The following TCF4 variants were observed in gnomAD, a reference collection of about 807,000 sequenced individuals.
TCF4 encodes the protein transcription factor 4.
In TCF4, 3 loss-of-function variants were observed where a neutral mutation model predicts 82.1. The observed-to-expected ratio is 0.04, with a 90% CI of 0.02 to 0.09. The LOEUF (loss-of-function observed/expected upper bound fraction) is 0.09. TCF4 is among the 10% of genes least tolerant of loss of function. The pLI is 1.00. For synonymous variants in TCF4, 276 were observed against 309.6 expected (o/e 0.89, Z 1.14); for missense variants, 518 against 852.7 (o/e 0.61, Z 4.89).
upstream of TCF4, among the ~76,000 whole-genome samples, chr18:55,593,248 C>T (rs2097687502): frequency 6.6e-6 from 1 of 151,404 alleles, no homozygotes; most frequent in African/African-American, 2.4e-5. Flanking sequence ...GCAAGTTTCA[C>T]ATTATGTCAG....
intron 2 of TCF4, among the ~76,000 whole-genome samples, chr18:55,625,668 T>G (rs935503162): frequency 2.0e-5 from 3 of 152,214 alleles, no homozygotes. Context: ...AAGAATGTAT[T>G]TTCTGATATA....
At chr18:55,515,575 G>A (rs928502483) in intron 3 of TCF4, among the ~76,000 whole-genome samples, 3 of 152,174 alleles carry the variant, frequency 2.0e-5, no homozygotes, top group Non-Finnish European at 4.4e-5. Context: ...TTGAAAGAGA[G>A]TAGGAGGTAT....
rs150965456 is a variant in TCF4, at chr18:55,554,843, T to G, written c.145+30437A>C. Among the ~76,000 whole-genome samples the G allele has an allele frequency of 6.7e-3, 1,013 of 152,290 alleles. 5 individuals carry two copies. Among genetic ancestry groups the G allele is most frequent in the Middle Eastern group, 0.02 (6 of 294 alleles). ...AGTGAATTCTGTAACTTCACCATTTTAAAAAGGAAACTAAATGAAAATGTT... is the reference window on the plus strand; with the variant it reads ...AGTGAATTCTGTAACTTCACCATTTGAAAAAGGAAACTAAATGAAAATGTT... On this transcript the variant is annotated intron_variant, in intron 3 of 19. Transcript: ENST00000354452.
intron 6 of TCF4, among the ~76,000 whole-genome samples, chr18:55,391,361 A>G (rs574395523): frequency 6.6e-6 from 1 of 152,094 alleles, no homozygotes; most frequent in South Asian, 2.1e-4. Flanking sequence ...CATAATATAT[A>G]TATTTTTTAA....
At chr18:55,541,181 T>C (rs1219148578) in intron 3 of TCF4, among the ~76,000 whole-genome samples, 2 of 152,006 alleles carry the variant, frequency 1.3e-5, no homozygotes, top group Non-Finnish European at 2.9e-5. Context: ...ATACACATTA[T>C]TATCTTTAAC....
chr18:55,506,938 C>A (rs1001129924), intron 3 of TCF4, among the ~76,000 whole-genome samples: 1 of 151,424 alleles, frequency 6.6e-6, no homozygotes, highest in African/African-American at 2.4e-5. Flanking sequence ...TCTTGGCTCA[C>A]TGCAACCTCC....
intron 3 of TCF4, among the ~76,000 whole-genome samples, chr18:55,538,594 A>G (rs1254960291): frequency 4.3e-4 from 65 of 152,240 alleles, no homozygotes; most frequent in Non-Finnish European, 4.4e-5. Context: ...TACCAAAGAC[A>G]GAGGTTTCCC....
chr18:55,397,963 GT>G (rs1224274789), intron 6 of TCF4, among the ~76,000 whole-genome samples: 2 of 152,002 alleles, frequency 1.3e-5, no homozygotes, highest in African/African-American at 4.8e-5. Context: ...TTTTTCAACT[GT>G]TCTGGATGCT....
At chr18:55,282,059 TAC>T (rs1394466098) in intron 8 of TCF4, among the ~76,000 whole-genome samples, 1 of 152,066 alleles carries the variant, frequency 6.6e-6, no homozygotes, top group African/African-American at 2.4e-5. Flanking sequence ...ACATATTTTA[TAC>T]ATTTTCTTTA....
intron 8 of TCF4, among the ~76,000 whole-genome samples, chr18:55,317,156 ATTG>A (rs1055398628): frequency 6.6e-6 from 1 of 152,062 alleles, no homozygotes; most frequent in African/African-American, 2.4e-5. Flanking sequence ...AAAAAATTTC[ATTG>A]TTATTTTTAA....
chr18:55,362,099 TTCTCCTGTCTTATCTCCAA>T (rs1183542215), intron 6 of TCF4, among the ~76,000 whole-genome samples: 2 of 152,136 alleles, frequency 1.3e-5, no homozygotes, highest in Non-Finnish European at 2.9e-5. Flanking sequence ...CCCAACTGTC[TTCTCCTGTCTTATCTCCAA>T]TGACTGCTAG....
intron 2 of TCF4, chr18:55,585,953 A>C: frequency 7.8e-7 from 1 of 1,285,674 alleles, no homozygotes; most frequent in Non-Finnish European, 1.0e-6. Flanking sequence ...TCTTCGACGT[A>C]TCTAGTGGAT....
intron 3 of TCF4, among the ~76,000 whole-genome samples, chr18:55,561,235 T>C (rs1217636552): frequency 6.6e-6 from 1 of 152,220 alleles, no homozygotes; most frequent in Non-Finnish European, 1.5e-5. Context: ...TGATACAGAT[T>C]TCCTAGTGGT....
At chr18:55,559,041 TAAAA>T (rs33984019) in intron 3 of TCF4, among the ~76,000 whole-genome samples, 7 of 111,272 alleles carry the variant, frequency 6.3e-5, no homozygotes, top group African/African-American at 1.7e-4. Context: ...ATCTCCCCCC[TAAAA>T]AAAAAAAAAA....
intron 2 of TCF4, among the ~76,000 whole-genome samples, chr18:55,600,735 T>A (rs888973858): frequency 6.6e-6 from 1 of 152,190 alleles, no homozygotes; most frequent in Non-Finnish European, 1.5e-5. Context: ...CAGTTGACTG[T>A]CCTTATTTGG....
At chr18:55,389,263 A>G (rs1001628752) in intron 6 of TCF4, among the ~76,000 whole-genome samples, 6 of 152,204 alleles carry the variant, frequency 3.9e-5, no homozygotes, top group East Asian at 1.9e-4. Context: ...TAGTTCATTC[A>G]TTCATTCACT....
intron 6 of TCF4, among the ~76,000 whole-genome samples, chr18:55,381,852 T>C (rs994772997): frequency 2.0e-5 from 3 of 152,040 alleles, no homozygotes; most frequent in Non-Finnish European, 4.4e-5. Flanking sequence ...TTTTTACTCA[T>C]TTGTGAAATA....
intron 3 of TCF4, among the ~76,000 whole-genome samples, chr18:55,555,625 G>A (rs1195346740): frequency 2.6e-5 from 4 of 152,060 alleles, no homozygotes; most frequent in Admixed American, 1.3e-4. Context: ...TATTGTGTGC[G>A]TTCTCATAAA....
chr18:55,477,988 G>A (rs2096333236), intron 3 of TCF4, among the ~76,000 whole-genome samples: 1 of 152,140 alleles, frequency 6.6e-6, no homozygotes, highest in Non-Finnish European at 1.5e-5. Flanking sequence ...AAGTGGAATG[G>A]TAAAAAGCTG....
Sources: allele counts gnomAD v4.1 joint callset (sites outside exome capture counted in the v4.1 genomes callset), GRCh38; gene constraint gnomAD v4.1.1; transcripts MANE v1.5; gene names NCBI Gene and HGNC (gene_info 2026-07-23, HGNC 2026-07-21).